Variants in CCND3 observed in about 807,000 individuals in gnomAD.
The protein encoded by CCND3 is cyclin D3.
CCND3 carries 9 observed loss-of-function variants against 28.7 expected under a neutral mutation model. That is an observed-to-expected ratio of 0.31 (90% CI 0.19 to 0.55). The LOEUF (loss-of-function observed/expected upper bound fraction) is 0.55. CCND3 is among the 20% of genes least tolerant of loss of function. The pLI is 0.93. For missense variants in CCND3, 315 were observed against 385.8 expected, an observed-to-expected ratio of 0.82 and a Z score of 1.54; for synonymous variants, 164 against 163.9, an observed-to-expected ratio of 1.00 and a Z score of 0.00.
chr6:42,022,047 C>T (rs1204077926), intron 1 of CCND3, among the ~76,000 whole-genome samples: 2 of 152,164 alleles, frequency 1.3e-5, no homozygotes, highest in African/African-American at 4.8e-5. Flanking sequence ...TAAGTGCTGA[C>T]CATGGGGAAA....
At chr6:42,032,541 C>T (rs1426377745) in intron 1 of CCND3, among the ~76,000 whole-genome samples, 3 of 152,256 alleles carry the variant, frequency 2.0e-5, no homozygotes, top group Admixed American at 2.0e-4. Flanking sequence ...CATGAGAAGG[C>T]CACAAGCCGG....
intron 1 of CCND3, among the ~76,000 whole-genome samples, chr6:41,981,483 TTGAGCCACCACGCCCGGCCA>T (rs202170071): frequency 0.2 from 30,846 of 151,134 alleles, 3,514 homozygotes; most frequent in Non-Finnish European, 0.27. Context: ...GATTATAGGC[TTGAGCCACCACGCCCGGCCA>T]TGAGCCACCA....
At position 42,033,732 on chromosome 6, in the gene CCND3, C is replaced by G. The variant is rs536363136; in HGVS notation, c.-46+14769G>C. 4.0e-5 allele frequency among the ~76,000 whole-genome samples: 6 copies of G among 151,496 alleles called. No homozygotes were observed. The East Asian group carries it at 1.2e-3, about 30-fold the overall frequency. Reference sequence around the variant, plus strand: ...GGGCATGGTGGTGCATACTGTAATCCCAGCTACTTGGGAGGCTGAGGCAGG... The same window carrying G: ...GGGCATGGTGGTGCATACTGTAATCGCAGCTACTTGGGAGGCTGAGGCAGG... On this transcript the variant is annotated intron_variant, in intron 1 of 4. Transcript: ENST00000372988.
At chr6:42,045,944 C>T (rs948486035) in intron 1 of CCND3, among the ~76,000 whole-genome samples, 2 of 152,166 alleles carry the variant, frequency 1.3e-5, no homozygotes, top group Non-Finnish European at 2.9e-5. Flanking sequence ...ACCCTACCAG[C>T]GAGTGAGGGA....
chr6:42,040,244 C>CTAAAATA (rs1764330501), intron 1 of CCND3, among the ~76,000 whole-genome samples: 5 of 151,746 alleles, frequency 3.3e-5, no homozygotes, highest in Non-Finnish European at 7.4e-5. Context: ...ATGACGAAAC[C>CTAAAATA]CTGTCTCTAC....
At chr6:42,016,933 G>A (rs1763535532) in intron 1 of CCND3, among the ~76,000 whole-genome samples, 1 of 152,120 alleles carries the variant, frequency 6.6e-6, no homozygotes, top group African/African-American at 2.4e-5. Flanking sequence ...ACAACATAAT[G>A]ACCTGCTAAG....
intron 3 of CCND3, 46 bp downstream of exon 3, chr6:41,937,189 T>C (rs1464795601): frequency 1.2e-6 from 2 of 1,601,038 alleles, no homozygotes; most frequent in African/African-American, 1.3e-5. Flanking sequence ...CCCTTATAAG[T>C]CTTCTGATTT....
At chr6:42,038,115 A>G (rs1271577945) in intron 1 of CCND3, among the ~76,000 whole-genome samples, 2 of 152,014 alleles carry the variant, frequency 1.3e-5, no homozygotes, top group Non-Finnish European at 2.9e-5. Context: ...AGGCTTAAAA[A>G]TTGCTGCAGC....
At position 41,965,875 on chromosome 6, in the gene CCND3, G is replaced by A. The variant is rs552101184; in HGVS notation, c.-45-25290C>T. 3.9e-5 allele frequency among the ~76,000 whole-genome samples: 6 copies of A among 152,278 alleles called. No individual in the cohort carries two copies. In the South Asian group the frequency reaches 8.3e-4, roughly 21 times the overall value. ...TAAATCCGCTTGCATATCTTTGTCT[G>A]ACCCATTATGTACAGATTTTACAGT... On this transcript the variant is annotated intron_variant, in intron 1 of 4. Transcript: ENST00000372988.
chr6:42,037,723 T>A (rs1764260727), intron 1 of CCND3, among the ~76,000 whole-genome samples: 1 of 152,008 alleles, frequency 6.6e-6, no homozygotes, highest in Non-Finnish European at 1.5e-5. Flanking sequence ...CACCGATTAT[T>A]AGGTATAGCC....
intron 1 of CCND3, among the ~76,000 whole-genome samples, chr6:42,045,846 G>A (rs1764525776): frequency 6.6e-6 from 1 of 152,188 alleles, no homozygotes; most frequent in African/African-American, 2.4e-5. Context: ...TTCCTCTTGT[G>A]GTTTTTCAAG....
intron 1 of CCND3, among the ~76,000 whole-genome samples, chr6:42,037,226 C>G (rs1291369805): frequency 1.3e-5 from 2 of 151,234 alleles, no homozygotes; most frequent in Non-Finnish European, 2.9e-5. Flanking sequence ...AGGCGTGAGC[C>G]ACTGTGCCCG....
chr6:42,033,700 A>T (rs1386243799), intron 1 of CCND3, among the ~76,000 whole-genome samples: 3 of 151,222 alleles, frequency 2.0e-5, no homozygotes, highest in Non-Finnish European at 2.9e-5. Flanking sequence ...ATACAAAATA[A>T]TTAGCTGGGC....
chr6:41,992,303 C>CA (rs1372754234), intron 1 of CCND3, among the ~76,000 whole-genome samples: 54 of 151,964 alleles, frequency 3.6e-4, no homozygotes, highest in Admixed American at 3.6e-3. Flanking sequence ...GCTGGGATTA[C>CA]AGGTGCCTGC....
intron 1 of CCND3, among the ~76,000 whole-genome samples, chr6:41,989,446 C>A (rs1762587674): frequency 2.0e-5 from 2 of 97,924 alleles, no homozygotes; most frequent in African/African-American, 3.8e-5. Flanking sequence ...AAGAGTGAAA[C>A]ACTGTCTCAA....
chr6:42,040,404 C>T (rs531926092), intron 1 of CCND3, among the ~76,000 whole-genome samples: 1 of 151,778 alleles, frequency 6.6e-6, no homozygotes, highest in African/African-American at 2.4e-5. Flanking sequence ...GGCAACAGAG[C>T]GAGACTCTGT....
intron 1 of CCND3, among the ~76,000 whole-genome samples, chr6:41,952,055 C>A (rs1229921495): frequency 6.6e-6 from 1 of 152,176 alleles, no homozygotes; most frequent in Non-Finnish European, 1.5e-5. Flanking sequence ...AGCCACCACG[C>A]CCAGCCTAGA....
intron 1 of CCND3, among the ~76,000 whole-genome samples, chr6:41,969,588 T>C (rs1332265186): frequency 6.6e-6 from 1 of 151,840 alleles, no homozygotes; most frequent in Non-Finnish European, 1.5e-5. Flanking sequence ...ATACAAAAAT[T>C]AGCTGGGCGT....
At chr6:41,960,499 G>A (rs1445502450) in intron 1 of CCND3, among the ~76,000 whole-genome samples, 3 of 152,148 alleles carry the variant, frequency 2.0e-5, no homozygotes, top group African/African-American at 4.8e-5. Context: ...TTGAGAGCAC[G>A]GGGGCTTTGA....
Sources: gnomAD v4.1 joint callset for allele counts (sites outside exome capture counted in the v4.1 genomes callset) on GRCh38, gnomAD v4.1.1 for gene constraint, MANE v1.5 for transcripts, NCBI Gene and HGNC (gene_info 2026-07-23, HGNC 2026-07-21) for gene names.